Variants in DENND1A observed in about 807,000 individuals in gnomAD.
DENND1A encodes the protein DENN domain containing 1A.
DENND1A carries 51 observed loss-of-function variants against 113.7 expected under a neutral mutation model. The ratio of observed to expected loss-of-function variants is 0.45; its 90% CI spans 0.36 to 0.57. The LOEUF (loss-of-function observed/expected upper bound fraction) is 0.57, where lower values mean the gene tolerates loss of function less well. DENND1A is among the 20% of genes least tolerant of loss of function. The pLI, the probability that DENND1A is intolerant of heterozygous loss-of-function variation, is 0.00. For synonymous variants in DENND1A, 565 were observed against 570.8 expected (o/e 0.99, Z 0.14); for missense variants, 1,258 against 1,395.9 (o/e 0.90, Z 1.57).
rs551637764 is a variant in DENND1A at position 123,768,386 on chromosome 9, G to C, written c.182+1128C>G. On this transcript the variant is annotated intron_variant, in intron 4 of 23. Transcript: ENST00000394215. The stretch of plus-strand genomic sequence containing the variant: ...TTATGCCAAATAAACCACGACAGTG[G>C]TATTACAATGTGTAGAAAAGATGCA... Among the ~76,000 whole-genome samples, 20 of 152,242 alleles carry C rather than the reference G, an allele frequency of 1.3e-4. No homozygotes were observed. The South Asian group carries it at 4.1e-3, about 32-fold the overall frequency.
At chr9:123,843,074 T>C (rs932916528) in intron 2 of DENND1A, 9 of 532,828 alleles carry the variant, frequency 1.7e-5, no homozygotes, top group South Asian at 1.0e-4. Context: ...TTTATACCCA[T>C]ATTTTATGCA....
intron 13 of DENND1A, among the ~76,000 whole-genome samples, chr9:123,542,883 T>C (rs2056390262): frequency 6.6e-6 from 1 of 152,166 alleles, no homozygotes; most frequent in Non-Finnish European, 1.5e-5. Context: ...CCATCACTTG[T>C]GTAACCACTT....
At chr9:123,513,902 C>T (rs1050714527) in intron 13 of DENND1A, among the ~76,000 whole-genome samples, 1 of 152,204 alleles carries the variant, frequency 6.6e-6, no homozygotes. Flanking sequence ...TTTCTCCCCT[C>T]CTAACTGGAG....
intron 5 of DENND1A, among the ~76,000 whole-genome samples, chr9:123,723,173 A>T (rs1253191743): frequency 1.3e-5 from 2 of 152,234 alleles, no homozygotes; most frequent in Non-Finnish European, 2.9e-5. Flanking sequence ...GCTGGATTGT[A>T]GACTTGCATG....
chr9:123,886,561 A>G (rs1031164589), intron 1 of DENND1A, among the ~76,000 whole-genome samples: 1 of 152,198 alleles, frequency 6.6e-6, no homozygotes, highest in African/African-American at 2.4e-5. Context: ...CAACATGGTC[A>G]AAAGAAACTG....
chr9:123,499,222 G>A (rs187919928), intron 13 of DENND1A, among the ~76,000 whole-genome samples: 1 of 149,920 alleles, frequency 6.7e-6, no homozygotes, highest in Non-Finnish European at 1.5e-5. Flanking sequence ...TTAGTAGAGA[G>A]GGGGTTTCAC....
intron 1 of DENND1A, among the ~76,000 whole-genome samples, chr9:123,926,114 A>G (rs1167603750): frequency 6.6e-6 from 1 of 152,204 alleles, no homozygotes; most frequent in Non-Finnish European, 1.5e-5. Context: ...ATACCTGTTG[A>G]AGATTGTCAG....
chr9:123,760,060 G>T (rs766919322), intron 4 of DENND1A, among the ~76,000 whole-genome samples: 2 of 152,106 alleles, frequency 1.3e-5, no homozygotes, highest in African/African-American at 4.8e-5. Context: ...TTATATTAAC[G>T]TAATATGCTA....
intron 2 of DENND1A, among the ~76,000 whole-genome samples, chr9:123,859,044 C>G (rs1590407582): frequency 6.6e-6 from 1 of 152,214 alleles, no homozygotes. Flanking sequence ...GAGAACCAAT[C>G]CAGGAAGAAT....
intron 21 of DENND1A, chr9:123,401,613 C>G (rs1051498251): frequency 1.8e-5 from 26 of 1,431,304 alleles, no homozygotes; most frequent in Non-Finnish European, 2.3e-5. Flanking sequence ...TGGTTTATTT[C>G]AACCCCAAAT....
chr9:123,903,318 C>A (rs1282318990), intron 1 of DENND1A, among the ~76,000 whole-genome samples: 1 of 110,888 alleles, frequency 9.0e-6, no homozygotes, highest in Non-Finnish European at 1.6e-5. Context: ...GGCGACAGAG[C>A]GAGACTCCGT....
chr9:123,918,944 A>G (rs1334199627), intron 1 of DENND1A, among the ~76,000 whole-genome samples: 3 of 152,122 alleles, frequency 2.0e-5, no homozygotes, highest in African/African-American at 7.2e-5. Context: ...CCAACTACCA[A>G]TTTGTAGGAA....
At chr9:123,587,349 A>G (rs777452837) in intron 11 of DENND1A, among the ~76,000 whole-genome samples, 4 of 152,212 alleles carry the variant, frequency 2.6e-5, no homozygotes, top group Non-Finnish European at 4.4e-5. Context: ...ACAGAAACAC[A>G]ATCTTTCCGT....
intron 5 of DENND1A, among the ~76,000 whole-genome samples, chr9:123,716,982 T>A (rs898384375): frequency 6.6e-6 from 1 of 152,254 alleles, no homozygotes; most frequent in Non-Finnish European, 1.5e-5. Flanking sequence ...TAACTTGGAC[T>A]AGTTAATTGT....
intron 8 of DENND1A, among the ~76,000 whole-genome samples, chr9:123,659,698 A>G (rs1043969195): frequency 2.6e-5 from 4 of 152,232 alleles, no homozygotes; most frequent in Admixed American, 1.3e-4. Context: ...GTATAAGTAC[A>G]TTGCCCCAAA....
intron 8 of DENND1A, among the ~76,000 whole-genome samples, chr9:123,657,190 G>A (rs1020567381): frequency 7.9e-5 from 12 of 152,292 alleles, no homozygotes; most frequent in East Asian, 1.9e-4. Flanking sequence ...GTTGGTAAGC[G>A]TCAGGTCAAG....
intron 9 of DENND1A, among the ~76,000 whole-genome samples, chr9:123,644,891 A>G (rs948947353): frequency 2.0e-5 from 3 of 152,190 alleles, no homozygotes; most frequent in South Asian, 2.1e-4. Flanking sequence ...TATTATCTCT[A>G]TTAAGATCTT....
intron 10 of DENND1A, among the ~76,000 whole-genome samples, chr9:123,620,082 C>T (rs1487992176): frequency 1.3e-5 from 2 of 151,492 alleles, no homozygotes; most frequent in East Asian, 1.9e-4. Flanking sequence ...GGTGTGGTGG[C>T]GCATATCTGT....
At chr9:123,511,353 A>G (rs934542421) in intron 13 of DENND1A, among the ~76,000 whole-genome samples, 1 of 152,222 alleles carries the variant, frequency 6.6e-6, no homozygotes, top group Non-Finnish European at 1.5e-5. Flanking sequence ...CGGGGGTGCT[A>G]GGTGCCATGT....
Sources: allele counts gnomAD v4.1 joint callset (sites outside exome capture counted in the v4.1 genomes callset), GRCh38; gene constraint gnomAD v4.1.1; transcripts MANE v1.5; gene names NCBI Gene and HGNC (gene_info 2026-07-23, HGNC 2026-07-21).